Variants in CACNA1D observed in about 807,000 individuals in gnomAD.
CACNA1D encodes the protein voltage-dependent L-type calcium channel subunit alpha-1D.
CACNA1D carries 55 observed loss-of-function variants against 257.1 expected under a neutral mutation model. The observed-to-expected ratio is 0.21, with a 90% CI of 0.17 to 0.27. The LOEUF (loss-of-function observed/expected upper bound fraction) is 0.27. Ranked by LOEUF, CACNA1D falls within the 10% of genes least tolerant of loss-of-function variation. The probability of loss-of-function intolerance (pLI) is 1.00; values close to 1 mark genes in which losing one functional copy is unlikely to be tolerated. For synonymous variants in CACNA1D, 980 were observed against 1,014.9 expected (o/e 0.97, Z 0.65); for missense variants, 1,876 against 2,784.0 (o/e 0.67, Z 7.34).
Position 53,673,591 on chromosome 3 carries a change from G to A in CACNA1D, c.1220+465G>A, listed in dbSNP as rs1484110395. The stretch of plus-strand genomic sequence containing the variant: ...AAAAAAAAAAAAGGGAAGGACCTAG[G>A]CCCAGTCCCTGTCCTAGGAGCACTA... On this transcript the variant is annotated intron_variant, in intron 8 of 47. Coordinates refer to ENST00000350061, the MANE Select transcript of CACNA1D (RefSeq NM_001128840.3). The surrounding 1 kb of genome is among the most constrained non-coding windows in gnomAD (Gnocchi z 4.1). 2 of 772,228 alleles carry A rather than the reference G, an allele frequency of 2.6e-6. No homozygotes were observed. Among genetic ancestry groups the A allele is most frequent in the Non-Finnish European group, 4.7e-6 (2 of 427,252 alleles). The allele number at this position is 772,228 out of a possible 1,614,324, so 47.8% of individuals were successfully genotyped here. A position where few individuals can be genotyped will look rare whatever the true frequency, so the allele number is the denominator to read the frequency against.
Position 53,749,716 on chromosome 3 carries a change from GTGC to G in CACNA1D, c.3516+249_3516+251del, listed in dbSNP as rs372930753. Among the ~76,000 whole-genome samples, 190 of 152,344 alleles carry G rather than the reference GTGC, an allele frequency of 1.2e-3. 1 individual carries two copies. Among genetic ancestry groups the G allele is most frequent in the African/African-American group, 4.2e-3 (174 of 41,586 alleles). On this transcript the variant is annotated intron_variant, in intron 27 of 47. Coordinates refer to ENST00000350061, the MANE Select transcript of CACNA1D (RefSeq NM_001128840.3). ...AGACCTGGTGGTATGAAATCAGAGA[GTGC>G]TTACGCCACCTGCCATGGTCATGAC...
At position 53,735,365 on chromosome 3, in the gene CACNA1D, T is replaced by C; in HGVS notation, c.2622-9T>C. 3 of 1,614,010 alleles carry C rather than the reference T, an allele frequency of 1.9e-6. No homozygotes were observed. Among genetic ancestry groups the C allele is most frequent in the Non-Finnish European group, 2.5e-6 (3 of 1,179,880 alleles). On this transcript the variant is annotated splice_polypyrimidine_tract_variant and intron_variant, in intron 19 of 47. Transcript: ENST00000350061. ...GGGACTGTTTCCAAGCAGCGGCTTT[T>C]CCCTGCAGGATCCGCGTAGGCTGCC...
At chr3:53,712,334 G>T (rs2094767136) in intron 9 of CACNA1D, among the ~76,000 whole-genome samples, 1 of 152,204 alleles carries the variant, frequency 6.6e-6, no homozygotes, top group Non-Finnish European at 1.5e-5. Context: ...GCACCAGGTG[G>T]GGCACGAGCC....
chr3:53,688,159 C>A (rs2094489618), intron 8 of CACNA1D, among the ~76,000 whole-genome samples: 1 of 152,194 alleles, frequency 6.6e-6, no homozygotes, highest in Admixed American at 6.5e-5. Flanking sequence ...TTCATAGTAG[C>A]CCCTGTGGGG....
Position 53,673,891 on chromosome 3 carries a change from C to G in CACNA1D, c.1220+765C>G, listed in dbSNP as rs756110274. On this transcript the variant is annotated intron_variant, in intron 8 of 47. Transcript: ENST00000350061. The surrounding 1 kb of genome is among the most constrained non-coding windows in gnomAD (Gnocchi z 4.1). ...CAACTCTGCGTGTCTCCTAGCTGCT[C>G]CCTGACAGCTTCTCTGCATGTGTTT... 1.0e-5 allele frequency: 9 copies of G among 889,422 alleles called. No individual in the cohort carries two copies. The highest frequency in any genetic ancestry group is 1.7e-5 in the Non-Finnish European group (9 of 519,382). The allele number at this position is 889,422 out of a possible 1,614,324, so 55.1% of individuals were successfully genotyped here. A position where few individuals can be genotyped will look rare whatever the true frequency, so the allele number is the denominator to read the frequency against.
At chr3:53,763,765 A>G (rs1263469001) in intron 30 of CACNA1D, among the ~76,000 whole-genome samples, 1 of 152,180 alleles carries the variant, frequency 6.6e-6, no homozygotes, top group African/African-American at 2.4e-5. Flanking sequence ...GTGAATAGTA[A>G]GACAGCCACC....
Position 53,761,969 on chromosome 3 carries a change from A to G in CACNA1D, c.3787-29A>G, listed in dbSNP as rs778159537. On this transcript the variant is annotated intron_variant, in intron 29 of 47. Coordinates refer to ENST00000350061, the MANE Select transcript of CACNA1D (RefSeq NM_001128840.3). ...TGGTGGGTCATTCATACATGCTCAT[A>G]AACATCTGCCCTCGCCTGCTCTGTC... The G allele has an allele frequency of 6.6e-6, 10 of 1,517,740 alleles. No homozygotes were observed. The African/African-American group carries it at 1.4e-4, about 21-fold the overall frequency. The allele number at this position is 1,517,740 out of a possible 1,614,324, so 94.0% of individuals were successfully genotyped here. A position where few individuals can be genotyped will look rare whatever the true frequency, so the allele number is the denominator to read the frequency against.
chr3:53,757,126 G>A (rs1049818479), intron 29 of CACNA1D, among the ~76,000 whole-genome samples: 1 of 152,166 alleles, frequency 6.6e-6, no homozygotes, highest in African/African-American at 2.4e-5. Flanking sequence ...CAAGGGCTCT[G>A]TTCGCTGCTC....
chr3:53,620,286 T>C (rs2093681944), intron 3 of CACNA1D, among the ~76,000 whole-genome samples: 1 of 152,104 alleles, frequency 6.6e-6, no homozygotes, highest in Non-Finnish European at 1.5e-5. Context: ...TTCTCGTCCA[T>C]CTCTCTTTTC....
intron 15 of CACNA1D, among the ~76,000 whole-genome samples, chr3:53,730,145 GAC>G (rs141136553): frequency 2.2e-4 from 33 of 151,770 alleles, no homozygotes; most frequent in Non-Finnish European, 3.1e-4. Flanking sequence ...TAGATGTTTG[GAC>G]ACACACACAC....
At chr3:53,564,356 T>C (rs2107652673) in intron 3 of CACNA1D, among the ~76,000 whole-genome samples, 1 of 152,310 alleles carries the variant, frequency 6.6e-6, no homozygotes, top group East Asian at 1.9e-4. Context: ...ATACAGGGTT[T>C]CCCCATGTTG....
intron 3 of CACNA1D, among the ~76,000 whole-genome samples, chr3:53,631,122 A>G (rs1181398210): frequency 6.6e-6 from 1 of 152,168 alleles, no homozygotes; most frequent in Non-Finnish European, 1.5e-5. Context: ...AAAACAAGGA[A>G]GTTTGCCACA....
chr3:53,521,078 T>C (rs2091557677), intron 3 of CACNA1D, among the ~76,000 whole-genome samples: 1 of 151,792 alleles, frequency 6.6e-6, no homozygotes, highest in South Asian at 2.1e-4. Context: ...TTTGCCCTGC[T>C]GGCCATACTG....
intron 3 of CACNA1D, among the ~76,000 whole-genome samples, chr3:53,507,080 A>AAC (rs2090881040): frequency 6.6e-6 from 1 of 150,846 alleles, no homozygotes; most frequent in Non-Finnish European, 1.5e-5. Flanking sequence ...CTCAAAAAAA[A>AAC]AAAAAAAAAA....
intron 3 of CACNA1D, among the ~76,000 whole-genome samples, chr3:53,522,557 G>T (rs568145754): frequency 5.3e-5 from 8 of 152,340 alleles, no homozygotes; most frequent in African/African-American, 1.9e-4. Context: ...TTCTTGGAGA[G>T]GTTAGCTCCT....
At chr3:53,700,613 T>C (rs1162702287) in intron 8 of CACNA1D, among the ~76,000 whole-genome samples, 1 of 152,206 alleles carries the variant, frequency 6.6e-6, no homozygotes, top group East Asian at 1.9e-4. Flanking sequence ...GGCGAGACAC[T>C]GGAGTCCTTA....
At chr3:53,511,956 TAAG>T (rs1363147656) in intron 3 of CACNA1D, among the ~76,000 whole-genome samples, 3 of 152,210 alleles carry the variant, frequency 2.0e-5, no homozygotes, top group Non-Finnish European at 4.4e-5. Context: ...TTTTTAAAAA[TAAG>T]AAATCCTTGA....
At chr3:53,522,094 C>G (rs750223978) in intron 3 of CACNA1D, among the ~76,000 whole-genome samples, 56 of 152,130 alleles carry the variant, frequency 3.7e-4, no homozygotes, top group African/African-American at 1.3e-3. Flanking sequence ...TGTGATCATG[C>G]CACTGCACTC....
intron 2 of CACNA1D, among the ~76,000 whole-genome samples, 183 bp downstream of exon 2, chr3:53,497,644 C>T (rs898107136): frequency 1.3e-5 from 2 of 151,968 alleles, no homozygotes; most frequent in African/African-American, 2.4e-5. Flanking sequence ...GGTGGCTGTA[C>T]GGGTATATTT....
Sources: allele counts gnomAD v4.1 joint callset (sites outside exome capture counted in the v4.1 genomes callset), GRCh38; gene constraint gnomAD v4.1.1; non-coding constraint Gnocchi (gnomAD v3.1); transcripts MANE v1.5; gene names NCBI Gene and HGNC (gene_info 2026-07-23, HGNC 2026-07-21).